The following PRMT3 variants were observed in gnomAD, a reference collection of about 807,000 sequenced individuals.
PRMT3 encodes protein arginine N-methyltransferase 3.
Under a neutral mutation model 71.9 loss-of-function variants are expected in PRMT3, and 62 were observed. The observed-to-expected ratio is 0.86, with a 90% confidence interval of 0.70 to 1.07. PRMT3 has a LOEUF of 1.07. Ranked by LOEUF, PRMT3 falls within the 50% of genes least tolerant of loss-of-function variation. PRMT3 has a pLI of 0.00. For missense variants in PRMT3, 663 were observed against 643.0 expected, an observed-to-expected ratio of 1.03 and a Z score of -0.34; for synonymous variants, 213 against 220.4, an observed-to-expected ratio of 0.97 and a Z score of 0.30.
Position 20,387,783 on chromosome 11 carries a change from C to G in PRMT3, c.28+9C>G. 6.5e-7 allele frequency: 1 copy of G among 1,542,022 alleles called. No homozygotes were observed. Among genetic ancestry groups the G allele is most frequent in the South Asian group, 1.2e-5 (1 of 83,892 alleles). On this transcript the variant is annotated intron_variant, in intron 1 of 15. Coordinates refer to ENST00000331079, the MANE Select transcript of PRMT3 (RefSeq NM_005788.4). The surrounding 1 kb of genome is among the most constrained non-coding windows in gnomAD (Gnocchi z 4.3). ...AGCGTCAGGCGCTACCGGTGGGTAC[C>G]CTGGCCCCTCAGCACCCGGCTCGTC...
intron 9 of PRMT3, among the ~76,000 whole-genome samples, chr11:20,417,945 C>T (rs186917954): frequency 1.8e-4 from 27 of 152,278 alleles, no homozygotes; most frequent in Middle Eastern, 3.4e-3. Context: ...ATCCTGTTTA[C>T]TGTTCTGTCT....
At chr11:20,404,654 T>C (rs775699166) in intron 8 of PRMT3, among the ~76,000 whole-genome samples, 3 of 152,200 alleles carry the variant, frequency 2.0e-5, no homozygotes, top group Admixed American at 6.5e-5. Flanking sequence ...ATATTTCTAG[T>C]TGGATGATGC....
intron 9 of PRMT3, among the ~76,000 whole-genome samples, chr11:20,412,174 AGTT>A (rs934993766): frequency 2.0e-5 from 3 of 152,106 alleles, no homozygotes; most frequent in Admixed American, 2.0e-4. Context: ...CAAAGGCTAT[AGTT>A]GTTATTATCA....
At chr11:20,437,305 C>T (rs959049000) in intron 10 of PRMT3, among the ~76,000 whole-genome samples, 3 of 151,974 alleles carry the variant, frequency 2.0e-5, no homozygotes, top group Admixed American at 1.3e-4. Context: ...TTCTACTTTG[C>T]TTTTCTAGTT....
At chr11:20,466,204 G>A (rs1195903081) in intron 13 of PRMT3, among the ~76,000 whole-genome samples, 6 of 152,158 alleles carry the variant, frequency 3.9e-5, no homozygotes, top group Admixed American at 3.9e-4. Context: ...TTTAAACTGA[G>A]AGATTTGTTA....
intron 15 of PRMT3, among the ~76,000 whole-genome samples, chr11:20,502,491 T>C (rs987221659): frequency 1.3e-5 from 2 of 152,260 alleles, no homozygotes; most frequent in Non-Finnish European, 2.9e-5. Flanking sequence ...TATGACATTA[T>C]GTTAATTTTT....
intron 10 of PRMT3, among the ~76,000 whole-genome samples, chr11:20,444,134 C>A (rs935072072): frequency 1.3e-5 from 2 of 152,064 alleles, no homozygotes; most frequent in African/African-American, 2.4e-5. Context: ...CATTTTTTGA[C>A]TATGTGATAT....
At chr11:20,428,001 TGTA>T (rs1298660873) in intron 10 of PRMT3, among the ~76,000 whole-genome samples, 1 of 152,200 alleles carries the variant, frequency 6.6e-6, no homozygotes, top group African/African-American at 2.4e-5. Context: ...TCAGATTTAA[TGTA>T]GTAGTGTAGG....
At chr11:20,461,954 A>G in intron 11 of PRMT3, 26 bp from the exon 12 acceptor site, 1 of 1,487,796 alleles carries the variant, frequency 6.7e-7, no homozygotes. Flanking sequence ...ATAATGCTTA[A>G]TTGTTGGGCA....
At chr11:20,424,270 T>TAC (rs58334643) in intron 9 of PRMT3, among the ~76,000 whole-genome samples, 126,015 of 151,690 alleles carry the variant, frequency 0.83, 52,761 homozygotes, top group Non-Finnish European at 0.89. Flanking sequence ...TTTAAGGAGG[T>TAC]ACTATCAAAT....
chr11:20,476,642 A>G (rs1360729539), intron 13 of PRMT3, among the ~76,000 whole-genome samples: 1 of 152,014 alleles, frequency 6.6e-6, no homozygotes, highest in Non-Finnish European at 1.5e-5. Context: ...TTTTTCACCT[A>G]CTTTTTAATT....
At chr11:20,444,589 T>G (rs550247608) in intron 10 of PRMT3, among the ~76,000 whole-genome samples, 1 of 152,304 alleles carries the variant, frequency 6.6e-6, no homozygotes, top group African/African-American at 2.4e-5. Context: ...AATTTCTAAT[T>G]TAATTTGGTT....
intron 13 of PRMT3, among the ~76,000 whole-genome samples, chr11:20,492,809 A>G (rs1296581153): frequency 6.6e-6 from 1 of 152,174 alleles, no homozygotes; most frequent in Non-Finnish European, 1.5e-5. Flanking sequence ...CTCTAATCCT[A>G]GCACTTTGGG....
In PRMT3 at chr11:20,397,586, T is replaced by C. The variant is rs2133305134; in HGVS notation, c.570T>C (p.Ala190=). Residue 190 remains alanine (A), a synonymous_variant, in exon 7 of 16, where the codon GCT becomes GCC. Coordinates refer to ENST00000331079, the MANE Select transcript of PRMT3 (RefSeq NM_005788.4). ...TTCAAATTGATTACAGACAATTTGC[T>C]CAGGATTTTGTGATGCACACAGATG... ...REDLQKMKQF[A]QDFVMHTDVR... 1 of 1,614,058 alleles carries C rather than the reference T, an allele frequency of 6.2e-7. No homozygotes were observed. Among genetic ancestry groups the C allele is most frequent in the East Asian group, 2.2e-5 (1 of 44,872 alleles).
chr11:20,394,698 A>G (rs1403320062), intron 5 of PRMT3, among the ~76,000 whole-genome samples: 1 of 152,142 alleles, frequency 6.6e-6, no homozygotes, highest in East Asian at 1.9e-4. Flanking sequence ...GATGCCCAGA[A>G]CTTACTCATC....
chr11:20,406,534 C>T (rs1383417379), intron 8 of PRMT3: 6 of 152,084 alleles, frequency 3.9e-5, no homozygotes. Context: ...TTTGCTTATC[C>T]ATTCATTCAT....
intron 7 of PRMT3, among the ~76,000 whole-genome samples, 162 bp downstream of exon 7, chr11:20,397,883 A>C (rs7948149): frequency 0.83 from 125,656 of 151,790 alleles, 53,715 homozygotes; most frequent in Non-Finnish European, 0.95. Context: ...TGGGTTGAAA[A>C]TATTACAAGA....
chr11:20,503,287 A>G (rs554578789), intron 15 of PRMT3, among the ~76,000 whole-genome samples: 15 of 152,208 alleles, frequency 9.9e-5, no homozygotes, highest in Non-Finnish European at 2.1e-4. Context: ...AAAATGCTCC[A>G]CTTACTATGT....
At chr11:20,419,609 T>C (rs533351327) in intron 9 of PRMT3, among the ~76,000 whole-genome samples, 5 of 152,322 alleles carry the variant, frequency 3.3e-5, no homozygotes, top group South Asian at 4.1e-4. Context: ...TGCTTTATAA[T>C]TGTGCTTTTT....
Sources: allele counts gnomAD v4.1 joint callset (sites outside exome capture counted in the v4.1 genomes callset), GRCh38; gene constraint gnomAD v4.1.1; non-coding constraint Gnocchi (gnomAD v3.1); transcripts MANE v1.5; gene names NCBI Gene and HGNC (gene_info 2026-07-23, HGNC 2026-07-21).